The following QRSL1 variants were observed in gnomAD, a reference collection of about 807,000 sequenced individuals.
QRSL1 encodes the protein glutamyl-tRNA(Gln) amidotransferase subunit A, mitochondrial.
QRSL1 carries 54 observed loss-of-function variants against 61.6 expected under a neutral mutation model. The ratio of observed to expected loss-of-function variants is 0.88; its 90% CI spans 0.70 to 1.10. QRSL1 has a LOEUF of 1.10. Ranked by LOEUF, QRSL1 falls within the 50% of genes least tolerant of loss-of-function variation. The pLI is 0.00. For synonymous variants in QRSL1, 228 were observed against 225.7 expected (o/e 1.01, Z -0.09); for missense variants, 505 against 622.6 (o/e 0.81, Z 2.01).
chr6:106,646,421 C>T (rs1195544823), intron 4 of QRSL1, among the ~76,000 whole-genome samples: 3 of 151,936 alleles, frequency 2.0e-5, no homozygotes. Flanking sequence ...ATTAAAATAT[C>T]ATATGAAAAC....
intron 7 of QRSL1, among the ~76,000 whole-genome samples, chr6:106,654,021 G>T (rs1316728742): frequency 6.6e-6 from 1 of 152,026 alleles, no homozygotes; most frequent in Non-Finnish European, 1.5e-5. Flanking sequence ...TACATCACAG[G>T]CTTGTTAAAA....
intron 4 of QRSL1, among the ~76,000 whole-genome samples, chr6:106,647,020 TCC>T (rs2114707464): frequency 1.3e-5 from 1 of 79,968 alleles, no homozygotes; most frequent in Non-Finnish European, 2.2e-5. Flanking sequence ...AGAGCAAGAC[TCC>T]TTCTCAAAAA....
intron 1 of QRSL1, among the ~76,000 whole-genome samples, chr6:106,639,121 T>G (rs1258884471): frequency 1.1e-4 from 6 of 54,624 alleles, no homozygotes; most frequent in Admixed American, 6.7e-4. Context: ...GTTTTGTTGT[T>G]TTTTTTTTTT....
intron 9 of QRSL1, among the ~76,000 whole-genome samples, chr6:106,660,330 A>AC (rs144893607): frequency 0.077 from 8,593 of 112,194 alleles, 358 homozygotes; most frequent in Non-Finnish European, 0.11. Flanking sequence ...AACACTCCCC[A>AC]CCCCCCCCGT....
chr6:106,643,177 C>A, intron 4 of QRSL1, 87 bp downstream of exon 4: 1 of 859,276 alleles, frequency 1.2e-6, no homozygotes, highest in Non-Finnish European at 1.8e-6. Context: ...GATTGAGGAT[C>A]TAATGCCAGT....
chr6:106,652,173 A>C lies in QRSL1; in HGVS notation c.558-36A>C, dbSNP rs376115481. The C allele has an allele frequency of 2.8e-5, 43 of 1,552,494 alleles. No individual in the cohort carries two copies. The African/African-American group carries it at 5.2e-4, about 19-fold the overall frequency. Reference sequence around the variant, plus strand: ...AGATTCCAAATATAATTAGAGATATATCATTCTTCTAAAGATAATTCCATT... The same window carrying C: ...AGATTCCAAATATAATTAGAGATATCTCATTCTTCTAAAGATAATTCCATT... On this transcript the variant is annotated intron_variant, in intron 5 of 10. Coordinates refer to ENST00000369046, the MANE Select transcript of QRSL1 (RefSeq NM_018292.5).
intron 10 of QRSL1, among the ~76,000 whole-genome samples, chr6:106,665,410 T>A (rs1777416082): frequency 6.6e-6 from 1 of 152,214 alleles, no homozygotes; most frequent in East Asian, 1.9e-4. Flanking sequence ...TAAGAAGATT[T>A]CAAGAATACC....
intron 1 of QRSL1, among the ~76,000 whole-genome samples, chr6:106,636,352 C>T (rs1776920631): frequency 6.8e-6 from 1 of 147,148 alleles, no homozygotes; most frequent in Admixed American, 6.8e-5. Flanking sequence ...GACGGAGTCT[C>T]GCTCTGTCTC....
rs769610590 is a variant in QRSL1, at chr6:106,655,725, T to C, written c.1153T>C (p.Leu385=). Residue 385 remains leucine (L), a synonymous_variant, in exon 9 of 11, where the codon TTA becomes CTA. Coordinates refer to ENST00000369046, the MANE Select transcript of QRSL1 (RefSeq NM_018292.5). ...AATTCTCTCAGGAAACTTTTTCTTA[T>C]TAAAAGAGTAAGACAACTCATTTAG... ...GRILSGNFFL[L]KENYENYFVK... 3 of 1,594,730 alleles carry C rather than the reference T, an allele frequency of 1.9e-6. No homozygotes were observed. In the South Asian group the frequency reaches 3.3e-5, roughly 18 times the overall value.
chr6:106,631,656 T>C (rs1272726322), intron 1 of QRSL1, among the ~76,000 whole-genome samples: 1 of 144,246 alleles, frequency 6.9e-6, no homozygotes, highest in East Asian at 2.1e-4. Context: ...AGTCTTATGA[T>C]TGTTTTTAAA....
In QRSL1 at chr6:106,667,331, G is replaced by C. The variant is rs1054091725; in HGVS notation, c.*1329G>C. ...TTTATTTGGGACCCTCGAGCCCAGA[G>C]ATATTAATGGATATCTGTATTCAAT... On this transcript the variant is annotated 3_prime_UTR_variant, in exon 11 of 11. Transcript: ENST00000369046. The C allele has an allele frequency of 6.6e-6, 1 of 152,138 alleles. No homozygotes were observed. Among genetic ancestry groups the C allele is most frequent in the African/African-American group, 2.4e-5 (1 of 41,436 alleles). The allele number at this position is 152,138 out of a possible 1,614,324, so 9.4% of individuals were successfully genotyped here.
At chr6:106,648,895 T>G (rs1777153279) in intron 4 of QRSL1, 130 bp from the exon 5 acceptor site, 3 of 885,148 alleles carry the variant, frequency 3.4e-6, no homozygotes, top group Non-Finnish European at 4.9e-6. Flanking sequence ...CTTCCCACCT[T>G]TTTCAATTCA....
intron 9 of QRSL1, among the ~76,000 whole-genome samples, chr6:106,657,275 A>G (rs1038410127): frequency 2.6e-4 from 40 of 152,174 alleles, no homozygotes; most frequent in Admixed American, 4.6e-4. Flanking sequence ...TCTCAAAAAA[A>G]AAAAAAGAAT....
Position 106,633,135 on chromosome 6 carries a change from C to T in QRSL1, c.24+3430C>T, listed in dbSNP as rs546680421. 4.5e-4 allele frequency among the ~76,000 whole-genome samples: 69 copies of T among 152,294 alleles called. No homozygotes were observed. In the South Asian group the frequency reaches 0.014, roughly 30 times the overall value. On this transcript the variant is annotated intron_variant, in intron 1 of 10. Transcript: ENST00000369046. Reference sequence around the variant, plus strand: ...ACCCAGGGGAAAATCCAGAGGTTGCCTTGGCATGATTGCTTTTACTTTATC... The same window carrying T: ...ACCCAGGGGAAAATCCAGAGGTTGCTTTGGCATGATTGCTTTTACTTTATC...
At chr6:106,640,290 T>G in intron 1 of QRSL1, 59 bp from the exon 2 acceptor site, 18 of 739,338 alleles carry the variant, frequency 2.4e-5, no homozygotes, top group East Asian at 4.0e-5. Context: ...CCCCCACCAA[T>G]ATAACAATTG....
At chr6:106,663,249 A>G in intron 10 of QRSL1, 64 bp downstream of exon 10, 1 of 1,501,102 alleles carries the variant, frequency 6.7e-7, no homozygotes, top group Non-Finnish European at 9.2e-7. Context: ...CTGGTCTTCA[A>G]CTTAAGATTC....
At chr6:106,657,135 G>A (rs545280925) in intron 9 of QRSL1, among the ~76,000 whole-genome samples, 1 of 152,194 alleles carries the variant, frequency 6.6e-6, no homozygotes, top group Non-Finnish European at 1.5e-5. Context: ...TGGGCGTGGT[G>A]GTGGGCACCT....
At position 106,666,392 on chromosome 6, in the gene QRSL1, T is replaced by C; in HGVS notation, c.*390T>C. The C allele has an allele frequency of 5.6e-6, 1 of 178,794 alleles. No individual in the cohort carries two copies. Among genetic ancestry groups the C allele is most frequent in the Admixed American group, 5.5e-5 (1 of 18,072 alleles). The allele number at this position is 178,794 out of a possible 1,614,324, so 11.1% of individuals were successfully genotyped here. ...TAGAGAGTCAAATGGTCTTGCTCAA[T>C]TCTTGTAATTAGGTTCTTGTTAATA... On this transcript the variant is annotated 3_prime_UTR_variant, in exon 11 of 11. Coordinates refer to ENST00000369046, the MANE Select transcript of QRSL1 (RefSeq NM_018292.5).
chr6:106,647,394 CT>C (rs1291471180), intron 4 of QRSL1, among the ~76,000 whole-genome samples: 5 of 151,772 alleles, frequency 3.3e-5, no homozygotes, highest in African/African-American at 1.2e-4. Flanking sequence ...AATCTCAGCA[CT>C]TTGGGAGGCC....
Sources: allele counts gnomAD v4.1 joint callset (sites outside exome capture counted in the v4.1 genomes callset), GRCh38; gene constraint gnomAD v4.1.1; transcripts MANE v1.5; gene names NCBI Gene and HGNC (gene_info 2026-07-23, HGNC 2026-07-21).